Variants in KIAA1549L observed in about 807,000 individuals in gnomAD.
KIAA1549L encodes UPF0606 protein KIAA1549L.
A neutral mutation model predicts 160.7 loss-of-function variants in KIAA1549L; 88 were observed. The observed-to-expected ratio is 0.55, with a 90% CI of 0.46 to 0.65. The LOEUF (loss-of-function observed/expected upper bound fraction) is 0.65. Ranked by LOEUF, KIAA1549L falls within the 30% of genes least tolerant of loss-of-function variation. The probability of loss-of-function intolerance (pLI) is 0.00; values close to 1 mark genes in which losing one functional copy is unlikely to be tolerated. For missense variants in KIAA1549L, 2,258 were observed against 2,437.5 expected (o/e 0.93, Z 1.55); for synonymous variants, 950 against 976.7 (o/e 0.97, Z 0.51).
intron 1 of KIAA1549L, among the ~76,000 whole-genome samples, chr11:33,402,241 G>C (rs1252687714): frequency 6.6e-6 from 1 of 152,146 alleles, no homozygotes. Flanking sequence ...GGTGAATGGA[G>C]CTTCTGTCTG....
At chr11:33,437,689 C>T (rs968719345) in intron 1 of KIAA1549L, among the ~76,000 whole-genome samples, 2 of 152,192 alleles carry the variant, frequency 1.3e-5, no homozygotes, top group African/African-American at 4.8e-5. Context: ...GTGGGGCCTC[C>T]CTTTACTAGC....
At chr11:33,498,336 G>A (rs1852867491) in intron 1 of KIAA1549L, among the ~76,000 whole-genome samples, 1 of 152,138 alleles carries the variant, frequency 6.6e-6, no homozygotes, top group African/African-American at 2.4e-5. Flanking sequence ...AGAATTTTCA[G>A]TGGTGGTTCC....
At chr11:33,498,627 T>C (rs866840683) in intron 1 of KIAA1549L, among the ~76,000 whole-genome samples, 1 of 152,194 alleles carries the variant, frequency 6.6e-6, no homozygotes, top group African/African-American at 2.4e-5. Flanking sequence ...GCCAGGACTT[T>C]TAAAGCCTGG....
rs746382394 is a variant in KIAA1549L, at chr11:33,598,856, C to T, written c.4788C>T (p.Asn1596=). Reference sequence around the variant, plus strand: ...GTGAGAATGGCTCTGTCATCAGCAACGAATCAGGGAAGCCCAGCTCAGGGA... The same window carrying T: ...GTGAGAATGGCTCTGTCATCAGCAATGAATCAGGGAAGCCCAGCTCAGGGA... ...SPSENGSVIS[N]ESGKPSSGRR... Residue 1596 remains asparagine (N), a synonymous_variant, in exon 13 of 21, where the codon AAC becomes AAT. Transcript: ENST00000658780. The T allele has an allele frequency of 3.1e-6, 5 of 1,613,814 alleles. No individual in the cohort carries two copies. The highest frequency in any genetic ancestry group is 4.2e-6 in the Non-Finnish European group (5 of 1,179,852).
intron 17 of KIAA1549L, among the ~76,000 whole-genome samples, chr11:33,652,395 C>T (rs1851922524): frequency 6.6e-6 from 1 of 152,090 alleles, no homozygotes; most frequent in Admixed American, 6.5e-5. Flanking sequence ...GTCCTGGGGC[C>T]CCGAGGATAC....
chr11:33,637,573 A>ACC (rs2133387609), intron 16 of KIAA1549L, among the ~76,000 whole-genome samples: 1 of 152,312 alleles, frequency 6.6e-6, no homozygotes, highest in South Asian at 2.1e-4. Flanking sequence ...GGCTTAAACA[A>ACC]CAGACATTTA....
At chr11:33,467,068 T>C (rs556467580) in intron 1 of KIAA1549L, among the ~76,000 whole-genome samples, 2 of 152,306 alleles carry the variant, frequency 1.3e-5, no homozygotes, top group South Asian at 2.1e-4. Context: ...CGTATACTTA[T>C]GTAACAAGGC....
chr11:33,435,790 ATATAT>A (rs1232752879), intron 1 of KIAA1549L, among the ~76,000 whole-genome samples: 1 of 26,088 alleles, frequency 3.8e-5, no homozygotes, highest in African/African-American at 1.3e-4. Flanking sequence ...ATATATATAT[ATATAT>A]ATATATATAT....
intron 15 of KIAA1549L, among the ~76,000 whole-genome samples, chr11:33,615,762 TTAAG>T (rs766619499): frequency 2.6e-5 from 4 of 152,218 alleles, no homozygotes; most frequent in Non-Finnish European, 4.4e-5. Context: ...AATAACCTAC[TTAAG>T]TGTCAATTGC....
chr11:33,447,884 CAGA>C (rs1450136758), intron 1 of KIAA1549L, among the ~76,000 whole-genome samples: 3 of 152,006 alleles, frequency 2.0e-5, no homozygotes, highest in Non-Finnish European at 4.4e-5. Flanking sequence ...TAGAAGTATG[CAGA>C]AGATGCTGCG....
Position 33,646,001 on chromosome 11 carries a change from C to T in KIAA1549L, c.5725C>T (p.Arg1909Cys), listed in dbSNP as rs745832749. ...CGGGGTGCAGTGGGTGCCGACCTAC[C>T]GCCCAGAAATGTATCAGTACAGTCT... ...RAGVQWVPTY[R>C]PEMYQYSLPR... Residue 1909 changes from arginine to cysteine, a missense_variant, in exon 17 of 21, where the codon CGC (arginine) becomes TGC (cysteine). Arg to Cys is a radical substitution (Grantham distance 180, BLOSUM62 -3). Coordinates refer to ENST00000658780, the MANE Select transcript of KIAA1549L (RefSeq NM_012194.3). The T allele has an allele frequency of 3.1e-5, 50 of 1,603,116 alleles. No homozygotes were observed. The Admixed American group carries it at 5.3e-4, about 17-fold the overall frequency.
intron 1 of KIAA1549L, among the ~76,000 whole-genome samples, chr11:33,459,143 A>G (rs1485500683): frequency 6.6e-6 from 1 of 152,164 alleles, no homozygotes; most frequent in Non-Finnish European, 1.5e-5. Context: ...ACTTTATTTC[A>G]ACTCTACAGC....
At chr11:33,540,027 C>A (rs773127082) in intron 1 of KIAA1549L, among the ~76,000 whole-genome samples, 17 of 152,172 alleles carry the variant, frequency 1.1e-4, no homozygotes, top group Admixed American at 3.3e-4. Flanking sequence ...GAAGCAAATC[C>A]ACTAGAGACT....
Position 33,589,872 on chromosome 11 carries a change from T to C in KIAA1549L, c.4567-1365T>C, listed in dbSNP as rs576043754. On this transcript the variant is annotated intron_variant, in intron 11 of 20. Transcript: ENST00000658780. ...CACATGTATACATATGTAACCTGCA[T>C]GTTTTGCACATGTACCCTAAAACTT... Among the ~76,000 whole-genome samples the C allele has an allele frequency of 5.3e-5, 8 of 152,300 alleles. No homozygotes were observed. In the South Asian group the frequency reaches 1.7e-3, roughly 32 times the overall value.
At chr11:33,512,338 TA>T (rs1448863937) in intron 1 of KIAA1549L, among the ~76,000 whole-genome samples, 1 of 152,216 alleles carries the variant, frequency 6.6e-6, no homozygotes, top group African/African-American at 2.4e-5. Context: ...GGCTGACATT[TA>T]AAAAAGTTTT....
chr11:33,492,393 G>T (rs1336454368), intron 1 of KIAA1549L, among the ~76,000 whole-genome samples: 1 of 152,114 alleles, frequency 6.6e-6, no homozygotes, highest in African/African-American at 2.4e-5. Flanking sequence ...GAACAATTTT[G>T]TATAAGATTT....
At chr11:33,423,409 T>C (rs1178314978) in intron 1 of KIAA1549L, among the ~76,000 whole-genome samples, 1 of 152,200 alleles carries the variant, frequency 6.6e-6, no homozygotes, top group African/African-American at 2.4e-5. Context: ...TATAAATGGA[T>C]AACTGGTTTT....
In KIAA1549L at chr11:33,555,492, C is replaced by T. The variant is rs1417382245; in HGVS notation, c.3855+3251C>T. ...AGACAAATGGAATAGAAGAGAGAGCCCAGAAATAAACCCTCTTGTATATGG... is the reference window on the plus strand; with the variant it reads ...AGACAAATGGAATAGAAGAGAGAGCTCAGAAATAAACCCTCTTGTATATGG... On this transcript the variant is annotated intron_variant, in intron 6 of 20. Coordinates refer to ENST00000658780, the MANE Select transcript of KIAA1549L (RefSeq NM_012194.3). Among the ~76,000 whole-genome samples the T allele has an allele frequency of 5.9e-5, 9 of 152,094 alleles. No homozygotes were observed. The South Asian group carries it at 1.7e-3, about 28-fold the overall frequency.
intron 1 of KIAA1549L, among the ~76,000 whole-genome samples, chr11:33,477,520 AACACACACAC>A (rs57378048): frequency 1.4e-5 from 2 of 146,914 alleles, no homozygotes; most frequent in Non-Finnish European, 3.0e-5. Context: ...CACACACACA[AACACACACAC>A]ACACACACAC....
Sources: allele counts gnomAD v4.1 joint callset (sites outside exome capture counted in the v4.1 genomes callset), GRCh38; gene constraint gnomAD v4.1.1; transcripts MANE v1.5; gene names NCBI Gene and HGNC (gene_info 2026-07-23, HGNC 2026-07-21).